The following MYO1E variants were observed in gnomAD, a reference collection of about 807,000 sequenced individuals.
MYO1E encodes the protein unconventional myosin-Ie.
A neutral mutation model predicts 151.1 loss-of-function variants in MYO1E; 68 were observed. That is an observed-to-expected ratio of 0.45 (90% CI 0.37 to 0.55). MYO1E has a LOEUF of 0.55. MYO1E is among the 20% of genes least tolerant of loss of function. The pLI is 0.00. For synonymous variants in MYO1E, 601 were observed against 501.7 expected (o/e 1.20, Z -2.64); for missense variants, 1,363 against 1,389.3 (o/e 0.98, Z 0.30).
intron 26 of MYO1E, among the ~76,000 whole-genome samples, chr15:59,149,101 G>A (rs2140304231): frequency 7.0e-6 from 1 of 142,918 alleles, no homozygotes; most frequent in South Asian, 2.3e-4. Flanking sequence ...CTGTCGCCCA[G>A]GCTGGAGTGC....
At chr15:59,158,413 T>C in intron 24 of MYO1E, 34 bp from the exon 25 acceptor site, 1 of 1,483,740 alleles carries the variant, frequency 6.7e-7, no homozygotes, top group Non-Finnish European at 9.2e-7. Context: ...AAACCAGTGC[T>C]ACTGGTTGGT....
intron 8 of MYO1E, 37 bp downstream of exon 8, chr15:59,224,652 G>A: frequency 6.2e-7 from 1 of 1,613,844 alleles, no homozygotes; most frequent in Non-Finnish European, 8.5e-7. Flanking sequence ...GGCCAGTTGG[G>A]AGAGCAGATC....
intron 4 of MYO1E, among the ~76,000 whole-genome samples, chr15:59,249,205 C>T (rs1234779307): frequency 7.2e-5 from 11 of 152,010 alleles, no homozygotes; most frequent in Non-Finnish European, 1.5e-5. Flanking sequence ...GGGTGGATCA[C>T]GAGATCAAGA....
chr15:59,178,349 GC>G (rs1401062523), intron 19 of MYO1E, 43 bp downstream of exon 19: 7 of 1,609,754 alleles, frequency 4.3e-6, no homozygotes, highest in Admixed American at 3.3e-5. Flanking sequence ...GCTGGCGGGG[GC>G]CCCGCGGGAG....
intron 1 of MYO1E, among the ~76,000 whole-genome samples, chr15:59,353,484 C>T (rs1393044925): frequency 2.6e-5 from 4 of 151,632 alleles, no homozygotes; most frequent in Admixed American, 6.6e-5. Context: ...AGGCCAGGTG[C>T]GGTGGCTCAC....
intron 1 of MYO1E, among the ~76,000 whole-genome samples, chr15:59,368,141 T>C (rs2080924888): frequency 6.6e-6 from 1 of 151,910 alleles, no homozygotes; most frequent in South Asian, 2.1e-4. Context: ...AAATAAGAAC[T>C]GGCAGATATA....
intron 5 of MYO1E, among the ~76,000 whole-genome samples, chr15:59,236,204 A>G (rs1044885892): frequency 5.3e-5 from 8 of 151,862 alleles, no homozygotes; most frequent in South Asian, 2.1e-4. Context: ...TTAGCTGGGC[A>G]TGGTGGGGCA....
chr15:59,153,689 C>T lies in MYO1E; in HGVS notation c.2981G>A (p.Arg994His), dbSNP rs758757692. 13 of 1,614,022 alleles carry T rather than the reference C, an allele frequency of 8.1e-6. No homozygotes were observed. Among genetic ancestry groups the T allele is most frequent in the African/African-American group, 5.3e-5 (4 of 74,888 alleles). Reference protein sequence around the residue: ...NQKSLYTSMARPPLPRQQSTS... With the variant: ...NQKSLYTSMAHPPLPRQQSTS... ...AGACTGCTGCCGAGGCAAGGGCGGG[C>T]GGGCCATGGAGGTGTACAGGCTTTT... The change falls in exon 26 of 28, where the codon CGC (arginine) becomes CAC (histidine). Residue 994 changes from arginine to histidine, a missense_variant. Transcript: ENST00000288235.
chr15:59,274,041 A>C (rs2080304015), intron 1 of MYO1E, among the ~76,000 whole-genome samples: 1 of 147,528 alleles, frequency 6.8e-6, no homozygotes, highest in Non-Finnish European at 1.5e-5. Flanking sequence ...TTATTTTAAA[A>C]ATTTATTAAA....
chr15:59,215,686 T>A (rs1249319097), intron 10 of MYO1E, among the ~76,000 whole-genome samples: 2 of 152,160 alleles, frequency 1.3e-5, no homozygotes, highest in African/African-American at 4.8e-5. Context: ...GAATGAGTAA[T>A]CATACACAAC....
At chr15:59,329,292 C>T (rs1457470826) in intron 1 of MYO1E, among the ~76,000 whole-genome samples, 5 of 152,110 alleles carry the variant, frequency 3.3e-5, no homozygotes, top group African/African-American at 1.2e-4. Context: ...GACGTAGATA[C>T]TGTTCTAACC....
chr15:59,260,104 A>G (rs1243958018), intron 3 of MYO1E, among the ~76,000 whole-genome samples: 1 of 152,254 alleles, frequency 6.6e-6, no homozygotes, highest in Non-Finnish European at 1.5e-5. Flanking sequence ...TTCCTTAAAG[A>G]GAACACTTCA....
intron 1 of MYO1E, among the ~76,000 whole-genome samples, chr15:59,334,703 AG>A (rs1356747058): frequency 6.6e-6 from 1 of 152,240 alleles, no homozygotes. Flanking sequence ...ACGATTATAC[AG>A]AGATCACTTG....
intron 1 of MYO1E, among the ~76,000 whole-genome samples, chr15:59,317,255 A>T (rs1464637377): frequency 2.6e-5 from 4 of 152,236 alleles, no homozygotes; most frequent in Non-Finnish European, 4.4e-5. Flanking sequence ...TAAGGCAAAC[A>T]CAGAAGTAAA....
chr15:59,335,605 T>G (rs2080723460), intron 1 of MYO1E, among the ~76,000 whole-genome samples: 1 of 152,206 alleles, frequency 6.6e-6, no homozygotes, highest in South Asian at 2.1e-4. Context: ...AGGCTTGCTC[T>G]CAGATCTCTT....
intron 1 of MYO1E, among the ~76,000 whole-genome samples, chr15:59,287,013 A>T (rs1249182327): frequency 6.6e-6 from 1 of 152,162 alleles, no homozygotes; most frequent in Non-Finnish European, 1.5e-5. Flanking sequence ...CTGCAGGCTC[A>T]GGGCCGCTCA....
chr15:59,178,973 G>A (rs541913251), intron 18 of MYO1E, among the ~76,000 whole-genome samples: 16 of 152,356 alleles, frequency 1.1e-4, no homozygotes, highest in African/African-American at 3.8e-4. Context: ...TATGACAACT[G>A]TGTATCAACT....
At position 59,163,405 on chromosome 15, in the gene MYO1E, A is replaced by G. The variant is rs542229779; in HGVS notation, c.2481-102T>C. ...TTAAAAATCCTGCAAGATAGTGCTA[A>G]GATTTTACAGTCTTTCTTTCTATAA... On this transcript the variant is annotated intron_variant, in intron 22 of 27. Coordinates refer to ENST00000288235, the MANE Select transcript of MYO1E (RefSeq NM_004998.4). The G allele has an allele frequency of 1.4e-4, 163 of 1,153,978 alleles. No homozygotes were observed. The African/African-American group carries it at 2.2e-3, about 16-fold the overall frequency. 71.5% of individuals were successfully genotyped at this position (1,153,978 alleles called of 1,614,324 possible).
At chr15:59,296,334 A>C (rs1328678884) in intron 1 of MYO1E, among the ~76,000 whole-genome samples, 1 of 152,206 alleles carries the variant, frequency 6.6e-6, no homozygotes, top group Non-Finnish European at 1.5e-5. Flanking sequence ...CTGTCCCTTC[A>C]CTGGGGTACA....
Sources: gnomAD v4.1 joint callset for allele counts (sites outside exome capture counted in the v4.1 genomes callset) on GRCh38, gnomAD v4.1.1 for gene constraint, MANE v1.5 for transcripts, NCBI Gene and HGNC (gene_info 2026-07-23, HGNC 2026-07-21) for gene names.